Variants in TMTC2 observed in about 807,000 individuals in gnomAD.
The protein encoded by TMTC2 is transmembrane O-mannosyltransferase targeting cadherins 2, also known as protein O-mannosyl-transferase TMTC2.
TMTC2 carries 43 observed loss-of-function variants against 82.4 expected under a neutral mutation model. That is an observed-to-expected ratio of 0.52 (90% CI 0.41 to 0.67). The LOEUF is 0.67. Among genes scored for constraint, TMTC2 ranks in the 30% least tolerant of loss-of-function variants. The pLI is 0.00. For missense variants in TMTC2, 919 were observed against 1,012.4 expected, an observed-to-expected ratio of 0.91 and a Z score of 1.25; for synonymous variants, 408 against 381.9, an observed-to-expected ratio of 1.07 and a Z score of -0.80.
At chr12:82,939,839 C>G (rs1310544708) in intron 4 of TMTC2, among the ~76,000 whole-genome samples, 2 of 151,962 alleles carry the variant, frequency 1.3e-5, no homozygotes, top group Non-Finnish European at 2.9e-5. Context: ...CTTGATTATT[C>G]CTGTGTGTTT....
At chr12:82,915,156 G>C (rs923660858) in intron 3 of TMTC2, among the ~76,000 whole-genome samples, 5 of 152,088 alleles carry the variant, frequency 3.3e-5, no homozygotes, top group African/African-American at 7.2e-5. Flanking sequence ...GAAACTAAGA[G>C]AGGCAGGATG....
intron 11 of TMTC2, among the ~76,000 whole-genome samples, chr12:83,076,828 C>G (rs1244246499): frequency 1.3e-5 from 2 of 152,288 alleles, no homozygotes; most frequent in East Asian, 3.9e-4. Context: ...CTTTACCTTT[C>G]CTGTACTCCT....
intron 11 of TMTC2, among the ~76,000 whole-genome samples, chr12:83,127,103 A>G (rs930880270): frequency 6.6e-6 from 1 of 152,160 alleles, no homozygotes; most frequent in Non-Finnish European, 1.5e-5. Flanking sequence ...TCCATCAAAA[A>G]GTTCAGACTG....
At chr12:82,833,050 T>G (rs573618182) in intron 1 of TMTC2, among the ~76,000 whole-genome samples, 1 of 152,354 alleles carries the variant, frequency 6.6e-6, no homozygotes, top group African/African-American at 2.4e-5. Context: ...TAGGCATGGC[T>G]GCTTTCTCTC....
chr12:82,878,105 C>T (rs1379457737), intron 2 of TMTC2, among the ~76,000 whole-genome samples: 6 of 152,168 alleles, frequency 3.9e-5, no homozygotes, highest in Non-Finnish European at 8.8e-5. Flanking sequence ...TTCATTCAGT[C>T]ATTTGCTCAA....
chr12:82,915,781 A>G (rs537060844), intron 3 of TMTC2, among the ~76,000 whole-genome samples: 23 of 152,350 alleles, frequency 1.5e-4, no homozygotes, highest in South Asian at 1.4e-3. Context: ...AGCAAGCTGT[A>G]AGGGCTGCTT....
chr12:82,878,389 T>C (rs73159405), intron 2 of TMTC2, among the ~76,000 whole-genome samples: 53 of 152,306 alleles, frequency 3.5e-4, no homozygotes, highest in Non-Finnish European at 6.2e-4. Context: ...AGTTATGAGA[T>C]TGGTGAACTT....
chr12:82,970,435 C>T (rs1878401027), intron 7 of TMTC2, among the ~76,000 whole-genome samples: 1 of 151,884 alleles, frequency 6.6e-6, no homozygotes, highest in Admixed American at 6.6e-5. Flanking sequence ...GGGTTCACGC[C>T]ATTCTCCTGC....
chr12:83,045,428 A>G (rs1468492247), intron 9 of TMTC2, among the ~76,000 whole-genome samples: 1 of 152,226 alleles, frequency 6.6e-6, no homozygotes, highest in East Asian at 1.9e-4. Context: ...TGCTTTTTTA[A>G]TTTGTAATTC....
intron 1 of TMTC2, among the ~76,000 whole-genome samples, chr12:82,802,660 G>A (rs1225621143): frequency 2.0e-5 from 3 of 152,154 alleles, no homozygotes; most frequent in Non-Finnish European, 2.9e-5. Context: ...AAAGGAGAAA[G>A]AATTCCAAGG....
At chr12:83,025,921 T>C (rs746366009) in intron 8 of TMTC2, among the ~76,000 whole-genome samples, 2 of 152,200 alleles carry the variant, frequency 1.3e-5, no homozygotes, top group Non-Finnish European at 2.9e-5. Flanking sequence ...CCTGCTGGAA[T>C]TGAGGTGTGC....
intron 1 of TMTC2, among the ~76,000 whole-genome samples, chr12:82,813,378 C>A (rs1868512168): frequency 1.3e-5 from 2 of 152,026 alleles, no homozygotes; most frequent in Non-Finnish European, 2.9e-5. Flanking sequence ...CAAGTGTTAA[C>A]TTTGCATATA....
intron 1 of TMTC2, among the ~76,000 whole-genome samples, chr12:82,818,363 T>C (rs1179056042): frequency 6.6e-6 from 1 of 152,134 alleles, no homozygotes; most frequent in East Asian, 1.9e-4. Flanking sequence ...TGAAACTGTT[T>C]ATTACTTATG....
At chr12:82,792,461 T>G (rs1878514128) in intron 1 of TMTC2, among the ~76,000 whole-genome samples, 1 of 151,876 alleles carries the variant, frequency 6.6e-6, no homozygotes, top group Non-Finnish European at 1.5e-5. Flanking sequence ...GTTTTTTGTT[T>G]GTTTGTTTGT....
chr12:83,060,499 A>G (rs1023845983), intron 10 of TMTC2, among the ~76,000 whole-genome samples: 1 of 151,692 alleles, frequency 6.6e-6, no homozygotes, highest in African/African-American at 2.4e-5. Flanking sequence ...TCTTGTCTCA[A>G]TAGCTTCTTT....
chr12:82,798,009 C>T (rs1250617622), intron 1 of TMTC2, among the ~76,000 whole-genome samples: 2 of 147,970 alleles, frequency 1.4e-5, no homozygotes, highest in Admixed American at 6.7e-5. Flanking sequence ...GCGATCTCGG[C>T]TCACTGCAAG....
At chr12:82,696,756 ATGT>A (rs1872807622) in intron 1 of TMTC2, among the ~76,000 whole-genome samples, 1 of 152,046 alleles carries the variant, frequency 6.6e-6, no homozygotes. Context: ...TCCTGGCATG[ATGT>A]TGAGGATGCC....
chr12:82,837,011 G>A (rs960425745), intron 1 of TMTC2, among the ~76,000 whole-genome samples: 1 of 152,094 alleles, frequency 6.6e-6, no homozygotes, highest in African/African-American at 2.4e-5. Context: ...AATTAGTAAA[G>A]TATGTATATT....
intron 11 of TMTC2, among the ~76,000 whole-genome samples, chr12:83,097,403 C>G (rs1592744453): frequency 6.6e-6 from 1 of 152,192 alleles, no homozygotes; most frequent in South Asian, 2.1e-4. Context: ...TTATTTAACT[C>G]TTTGCTCCCG....
Sources: gnomAD v4.1 joint callset for allele counts (sites outside exome capture counted in the v4.1 genomes callset) on GRCh38, gnomAD v4.1.1 for gene constraint, MANE v1.5 for transcripts, NCBI Gene and HGNC (gene_info 2026-07-23, HGNC 2026-07-21) for gene names.